DCC: variants seen among roughly 807,000 people sequenced by gnomAD.
DCC encodes netrin receptor DCC.
DCC carries 58 observed loss-of-function variants against 172.5 expected under a neutral mutation model. The observed-to-expected ratio is 0.34, with a 90% CI of 0.27 to 0.42. The LOEUF (loss-of-function observed/expected upper bound fraction) is 0.42. Ranked by LOEUF, DCC falls within the 10% of genes least tolerant of loss-of-function variation. The probability of loss-of-function intolerance (pLI) is 1.00; values close to 1 mark genes in which losing one functional copy is unlikely to be tolerated. For missense variants in DCC, 1,740 were observed against 1,791.0 expected, an observed-to-expected ratio of 0.97 and a Z score of 0.51; for synonymous variants, 709 against 644.5, an observed-to-expected ratio of 1.10 and a Z score of -1.52.
At chr18:53,500,231 A>T (rs903687677) in intron 27 of DCC, among the ~76,000 whole-genome samples, 1 of 152,158 alleles carries the variant, frequency 6.6e-6, no homozygotes, top group African/African-American at 2.4e-5. Flanking sequence ...AGAGAGGCAG[A>T]GACAGAAGAA....
At position 52,372,880 on chromosome 18, in the gene DCC, A is replaced by G. The variant is rs182565047; in HGVS notation, c.91+32002A>G. Among the ~76,000 whole-genome samples, 29 of 152,338 alleles carry G rather than the reference A, an allele frequency of 1.9e-4. No homozygotes were observed. The East Asian group carries it at 5.6e-3, about 29-fold the overall frequency. On this transcript the variant is annotated intron_variant, in intron 1 of 28. Transcript: ENST00000442544. ...AACAAAAACCCGAGATGATAAAAGA[A>G]GAGACAACCATTGGAAACAATTTAT...
chr18:52,440,341 G>C (rs1310429046), intron 1 of DCC, among the ~76,000 whole-genome samples: 1 of 152,166 alleles, frequency 6.6e-6, no homozygotes, highest in African/African-American at 2.4e-5. Context: ...TTAGAAGCTT[G>C]GCAAGACTCT....
At chr18:52,390,385 A>G (rs1224557344) in intron 1 of DCC, among the ~76,000 whole-genome samples, 2 of 152,124 alleles carry the variant, frequency 1.3e-5, no homozygotes, top group Non-Finnish European at 2.9e-5. Flanking sequence ...CAGAAGGGAC[A>G]GCTGTTACAG....
At chr18:53,070,927 A>T (rs778488380) in intron 7 of DCC, among the ~76,000 whole-genome samples, 7 of 152,210 alleles carry the variant, frequency 4.6e-5, no homozygotes, top group African/African-American at 9.7e-5. Context: ...GAGGCCAGCT[A>T]TAAATTAAGC....
intron 1 of DCC, among the ~76,000 whole-genome samples, chr18:52,732,531 G>A (rs868369674): frequency 7.9e-5 from 12 of 152,250 alleles, no homozygotes; most frequent in African/African-American, 2.9e-4. Context: ...GGTCATGCCT[G>A]TTTCTTTTCC....
intron 1 of DCC, among the ~76,000 whole-genome samples, chr18:52,632,608 C>G (rs146344779): frequency 1.3e-5 from 2 of 152,310 alleles, no homozygotes; most frequent in Non-Finnish European, 2.9e-5. Flanking sequence ...TCATTTCATT[C>G]TTGGTTGCTC....
At chr18:52,709,609 A>G (rs1300351404) in intron 1 of DCC, among the ~76,000 whole-genome samples, 1 of 152,120 alleles carries the variant, frequency 6.6e-6, no homozygotes, top group Non-Finnish European at 1.5e-5. Context: ...ATCTCCCAAC[A>G]CCAGATGCTT....
chr18:53,161,328 T>C (rs1444755279), intron 8 of DCC, among the ~76,000 whole-genome samples: 1 of 152,192 alleles, frequency 6.6e-6, no homozygotes, highest in Non-Finnish European at 1.5e-5. Flanking sequence ...CATTTGATCA[T>C]TTCTCCTTCG....
chr18:52,615,922 T>C (rs2034372500), intron 1 of DCC, among the ~76,000 whole-genome samples: 1 of 152,180 alleles, frequency 6.6e-6, no homozygotes, highest in Non-Finnish European at 1.5e-5. Flanking sequence ...TATAAACATA[T>C]ATGCTTATAA....
intron 5 of DCC, among the ~76,000 whole-genome samples, chr18:53,050,892 T>C (rs529560454): frequency 2.0e-5 from 3 of 152,224 alleles, no homozygotes; most frequent in African/African-American, 7.2e-5. Context: ...ATTGAACACT[T>C]TCACCTTGGC....
chr18:52,525,169 A>G (rs2144673352), intron 1 of DCC, among the ~76,000 whole-genome samples: 1 of 152,062 alleles, frequency 6.6e-6, no homozygotes, highest in Non-Finnish European at 1.5e-5. Flanking sequence ...GAAATAATGA[A>G]GCTGTCTCTG....
At chr18:52,976,226 C>G (rs1555690822) in intron 5 of DCC, among the ~76,000 whole-genome samples, 2 of 150,466 alleles carry the variant, frequency 1.3e-5, no homozygotes, top group Non-Finnish European at 3.0e-5. Context: ...ATTTGTTTTT[C>G]TTTATAGATG....
chr18:53,385,121 T>A (rs1453910603), intron 15 of DCC, among the ~76,000 whole-genome samples: 1 of 152,056 alleles, frequency 6.6e-6, no homozygotes, highest in African/African-American at 2.4e-5. Context: ...GTAATTTGTT[T>A]TTCCTGTTCT....
intron 1 of DCC, among the ~76,000 whole-genome samples, chr18:52,553,787 C>A (rs1398166893): frequency 6.6e-6 from 1 of 151,860 alleles, no homozygotes; most frequent in Non-Finnish European, 1.5e-5. Context: ...TCCATATGGA[C>A]CAGATGTGAA....
intron 1 of DCC, among the ~76,000 whole-genome samples, chr18:52,748,509 C>T (rs1666689649): frequency 6.6e-6 from 1 of 152,178 alleles, no homozygotes; most frequent in African/African-American, 2.4e-5. Flanking sequence ...TGTTTCGGCT[C>T]CTTTGTGTTA....
At chr18:53,460,289 T>G (rs1215951900) in intron 24 of DCC, among the ~76,000 whole-genome samples, 11 of 142,440 alleles carry the variant, frequency 7.7e-5, no homozygotes, top group African/African-American at 2.5e-4. Context: ...TTTTTTTTTT[T>G]TTTTTTTTTT....
intron 7 of DCC, among the ~76,000 whole-genome samples, chr18:53,153,168 T>G (rs1365202297): frequency 6.6e-6 from 1 of 152,240 alleles, no homozygotes; most frequent in African/African-American, 2.4e-5. Context: ...TTTGTCTAAC[T>G]TCTTGAAAAT....
intron 1 of DCC, among the ~76,000 whole-genome samples, chr18:52,679,030 A>G (rs779738032): frequency 6.6e-6 from 1 of 152,080 alleles, no homozygotes; most frequent in Non-Finnish European, 1.5e-5. Context: ...GAAAAAAGCT[A>G]TATTGACCTA....
intron 12 of DCC, among the ~76,000 whole-genome samples, chr18:53,287,763 CAAAG>C (rs2056952933): frequency 2.0e-5 from 3 of 152,062 alleles, no homozygotes; most frequent in African/African-American, 7.2e-5. Context: ...ACTTTTCTAA[CAAAG>C]AACTTTTAAA....
Sources: allele counts gnomAD v4.1 joint callset (sites outside exome capture counted in the v4.1 genomes callset), GRCh38; gene constraint gnomAD v4.1.1; transcripts MANE v1.5; gene names NCBI Gene and HGNC (gene_info 2026-07-23, HGNC 2026-07-21).